The following SRPRA variants were observed in gnomAD, a reference collection of about 807,000 sequenced individuals.
SRPRA encodes the protein SRP receptor subunit alpha.
SRPRA carries 30 observed loss-of-function variants against 61.1 expected under a neutral mutation model. The ratio of observed to expected loss-of-function variants is 0.49; its 90% confidence interval spans 0.37 to 0.67. SRPRA has a LOEUF of 0.67. Among genes scored for constraint, SRPRA ranks in the 30% least tolerant of loss-of-function variants. The pLI is 0.00. For synonymous variants in SRPRA, 324 were observed against 299.7 expected (o/e 1.08, Z -0.84); for missense variants, 759 against 828.4 (o/e 0.92, Z 1.03).
At chr11:126,250,484 CT>C in the SRPRA span, 1 of 1,569,140 alleles carries the variant, frequency 6.4e-7, no homozygotes, top group Non-Finnish European at 8.8e-7. The surrounding 1 kb of genome is among the most constrained non-coding windows in gnomAD (Gnocchi z 5.1). Context: ...GACTAATTTT[CT>C]TTTTTCAAAT....
intron 4 of SRPRA, 71 bp from the exon 5 acceptor site, chr11:126,266,993 T>C: frequency 6.4e-7 from 1 of 1,559,354 alleles, no homozygotes; most frequent in East Asian, 2.2e-5. Flanking sequence ...CTAAAAGTCT[T>C]CCAAATTGTT....
chr11:126,265,646 G>A lies in SRPRA; in HGVS notation c.1138+91C>T. ...TAGGTTACAGAGGTTTAGAGGTTAA[G>A]GAATTTGCCGAAAGTCACATACCTA... On this transcript the variant is annotated intron_variant, in intron 9 of 13. Transcript: ENST00000332118. This position sits in a 1 kb window ranked among gnomAD's most constrained non-coding sequence, Gnocchi z 6.3. 1 of 1,434,920 alleles carries A rather than the reference G, an allele frequency of 7.0e-7. No individual in the cohort carries two copies. Among genetic ancestry groups the A allele is most frequent in the African/African-American group, 1.4e-5 (1 of 71,404 alleles). The allele number at this position is 1,434,920 out of a possible 1,614,324, so 88.9% of individuals were successfully genotyped here.
chr11:126,236,804 G>A, the SRPRA span, among the ~76,000 whole-genome samples: 8 of 146,738 alleles, frequency 5.5e-5, no homozygotes, highest in Admixed American at 5.4e-4. Flanking sequence ...GCTTTCTCGG[G>A]GGTTCTCTGT....
At chr11:126,268,115 G>A (rs372564837) in intron 1 of SRPRA, 29 bp from the exon 2 acceptor site, 1 of 1,607,256 alleles carries the variant, frequency 6.2e-7, no homozygotes, top group Non-Finnish European at 8.5e-7. Context: ...TCAGTGTTCA[G>A]ACTATCCCCA....
chr11:126,240,983 G>T, the SRPRA span: 8 of 1,613,988 alleles, frequency 5.0e-6, no homozygotes, highest in Non-Finnish European at 6.8e-6. Context: ...TTTCAGAAAT[G>T]TCTCCATGAA....
chr11:126,256,640 C>CT, the SRPRA span: 17 of 1,614,088 alleles, frequency 1.1e-5, no homozygotes, highest in Non-Finnish European at 1.4e-5. This position sits in a 1 kb window ranked among gnomAD's most constrained non-coding sequence, Gnocchi z 6.6. Context: ...GATGACACCA[C>CT]TTTCCAGGCC....
the SRPRA span, among the ~76,000 whole-genome samples, chr11:126,236,069 A>G: frequency 6.6e-6 from 1 of 152,192 alleles, no homozygotes; most frequent in Non-Finnish European, 1.5e-5. Flanking sequence ...TTCCTTCTGG[A>G]TGCTAGTCCA....
Position 126,263,564 on chromosome 11 carries a change from AGACGGCTCTT to A in SRPRA, c.*342_*351del, listed in dbSNP as rs1293134497. The A allele has an allele frequency of 6.6e-5, 14 of 212,318 alleles. 1 individual carries two copies. The South Asian group carries it at 1.0e-3, about 16-fold the overall frequency. The allele number at this position is 212,318 out of a possible 1,614,324, so 13.2% of individuals were successfully genotyped here. Reference sequence around the variant, plus strand: ...AATGCAGCTGGGACTCATTAGGCTCAGACGGCTCTTGACCACACTAATTATTAGCAAAGCT... The same window carrying A: ...AATGCAGCTGGGACTCATTAGGCTCAGACCACACTAATTATTAGCAAAGCT... On this transcript the variant is annotated 3_prime_UTR_variant, in exon 14 of 14. Transcript: ENST00000332118.
chr11:126,250,144 T>C, the SRPRA span, among the ~76,000 whole-genome samples: 2 of 150,148 alleles, frequency 1.3e-5, no homozygotes, highest in Non-Finnish European at 3.0e-5. This position sits in a 1 kb window ranked among gnomAD's most constrained non-coding sequence, Gnocchi z 5.1. Flanking sequence ...CAGGCTGGAG[T>C]GCAGTGACGC....
chr11:126,266,105 T>A (rs780406386), intron 7 of SRPRA, 24 bp from the exon 8 acceptor site: 1 of 1,613,134 alleles, frequency 6.2e-7, no homozygotes, highest in South Asian at 1.1e-5. Flanking sequence ...AGATTACACA[T>A]ACACATAAAA....
At position 126,264,293 on chromosome 11, in the gene SRPRA, G is replaced by GA; in HGVS notation, c.1690-5dup. 6.2e-7 allele frequency: 1 copy of GA among 1,613,294 alleles called. No individual in the cohort carries two copies. The highest frequency in any genetic ancestry group is 2.2e-5 in the East Asian group (1 of 44,870). ...CCAAGGCTCTGTTGAACTTGACCTG[G>GA]AAAGAAAAAGTGATAGAAGTGTAAG... On this transcript the variant is annotated splice_polypyrimidine_tract_variant and splice_region_variant and intron_variant, in intron 12 of 13. Transcript: ENST00000332118. This position sits in a 1 kb window ranked among gnomAD's most constrained non-coding sequence, Gnocchi z 5.0.
chr11:126,259,646 C>T (rs1393646797), downstream of SRPRA, among the ~76,000 whole-genome samples: 4 of 151,234 alleles, frequency 2.6e-5, no homozygotes, highest in East Asian at 1.9e-4. Context: ...AGGATGGTCT[C>T]GGTCTCCTGA....
the SRPRA span, among the ~76,000 whole-genome samples, chr11:126,243,080 T>C: frequency 3.9e-5 from 6 of 152,178 alleles, no homozygotes; most frequent in Non-Finnish European, 7.4e-5. Context: ...TTGAAAACAT[T>C]AAGTAAAAGA....
At chr11:126,240,723 CAG>C in the SRPRA span, 1 of 1,451,624 alleles carries the variant, frequency 6.9e-7, no homozygotes, top group Non-Finnish European at 9.2e-7. Flanking sequence ...TAACCTGAGT[CAG>C]ACAGTCTTTC....
the SRPRA span, among the ~76,000 whole-genome samples, chr11:126,251,983 T>C: frequency 6.7e-6 from 1 of 148,272 alleles, no homozygotes; most frequent in Non-Finnish European, 1.5e-5. Context: ...CGTTTTGTTT[T>C]GTTTTGTTTT....
chr11:126,265,086 A>T lies in SRPRA; in HGVS notation c.1398T>A (p.Arg466=). Residue 466 remains arginine, a synonymous_variant, in exon 11 of 14, where the codon CGT becomes CGA. Transcript: ENST00000332118. The surrounding 1 kb of genome is among the most constrained non-coding windows in gnomAD (Gnocchi z 6.3). The part of the protein sequence containing the change: ...TFRAGAVEQL[R]THTRRLSALH... ...GGGCACTCAAACGCCGGGTGTGTGT[A>T]CGCAGCTGCTCCACGGCCCCAGCAC... 6.2e-7 allele frequency: 1 copy of T among 1,614,138 alleles called. No homozygotes were observed. Among genetic ancestry groups the T allele is most frequent in the Non-Finnish European group, 8.5e-7 (1 of 1,180,024 alleles).
chr11:126,241,985 A>T, the SRPRA span, among the ~76,000 whole-genome samples: 1,010 of 146,298 alleles, frequency 6.9e-3, 11 homozygotes, highest in African/African-American at 0.023. Flanking sequence ...CGGTCGCGCC[A>T]CTGCACTCCA....
In SRPRA at chr11:126,267,518, A is replaced by C. The variant is rs752940347; in HGVS notation, c.365+31T>G. The stretch of plus-strand genomic sequence containing the variant: ...AGAGAGGTCATCAAATCATGGAAAT[A>C]AATTGATTTTAGAGAAGGCAGGTCT... On this transcript the variant is annotated intron_variant, in intron 3 of 13. Transcript: ENST00000332118. The surrounding 1 kb of genome is among the most constrained non-coding windows in gnomAD (Gnocchi z 4.2). 1 of 1,612,514 alleles carries C rather than the reference A, an allele frequency of 6.2e-7. No homozygotes were observed. Among genetic ancestry groups the C allele is most frequent in the South Asian group, 1.1e-5 (1 of 91,050 alleles).
the SRPRA span, among the ~76,000 whole-genome samples, chr11:126,254,654 G>A: frequency 5.3e-5 from 8 of 152,278 alleles, no homozygotes; most frequent in East Asian, 5.8e-4. Flanking sequence ...GCAACATAGC[G>A]AGACTCTTGT....
Sources: allele counts gnomAD v4.1 joint callset (sites outside exome capture counted in the v4.1 genomes callset), GRCh38; gene constraint gnomAD v4.1.1; non-coding constraint Gnocchi (gnomAD v3.1); transcripts MANE v1.5; gene names NCBI Gene and HGNC (gene_info 2026-07-23, HGNC 2026-07-21).